The following PTN variants were observed in gnomAD, a reference collection of about 807,000 sequenced individuals.
PTN encodes the protein heparin affin regulatory protein.
In PTN, 18 loss-of-function variants were observed where a neutral mutation model predicts 24.1. The ratio of observed to expected loss-of-function variants is 0.75; its 90% confidence interval spans 0.52 to 1.11. The LOEUF (loss-of-function observed/expected upper bound fraction) is 1.11. Among genes scored for constraint, PTN ranks in the 50% least tolerant of loss-of-function variants. The pLI, the probability that PTN is intolerant of heterozygous loss-of-function variation, is 0.00. For synonymous variants in PTN, 78 were observed against 68.6 expected, an observed-to-expected ratio of 1.14 and a Z score of -0.67; for missense variants, 163 against 198.8, an observed-to-expected ratio of 0.82 and a Z score of 1.08.
intron 1 of PTN, among the ~76,000 whole-genome samples, chr7:137,303,922 C>G (rs1809845870): frequency 6.6e-6 from 1 of 151,956 alleles, no homozygotes; most frequent in Non-Finnish European, 1.5e-5. Context: ...GCATTCCCCA[C>G]AACACACAAA....
chr7:137,299,598 C>T (rs150277410), intron 1 of PTN, among the ~76,000 whole-genome samples: 5 of 151,950 alleles, frequency 3.3e-5, no homozygotes, highest in Non-Finnish European at 7.4e-5. Flanking sequence ...CAGTTATTTC[C>T]AAAGAGGAGG....
At chr7:137,262,974 T>A (rs1216626744) in intron 1 of PTN, among the ~76,000 whole-genome samples, 1 of 152,196 alleles carries the variant, frequency 6.6e-6, no homozygotes, top group East Asian at 1.9e-4. Flanking sequence ...TAAAACAACA[T>A]GAGAGGGTCT....
intron 4 of PTN, among the ~76,000 whole-genome samples, chr7:137,246,102 T>G (rs933985647): frequency 6.6e-6 from 1 of 152,206 alleles, no homozygotes; most frequent in Non-Finnish European, 1.5e-5. Flanking sequence ...TCACTCACTG[T>G]TCATTCAGTG....
intron 1 of PTN, chr7:137,325,849 C>G (rs1271222667): frequency 6.6e-6 from 1 of 152,198 alleles, no homozygotes; most frequent in Admixed American, 6.5e-5. Flanking sequence ...AGAAGCCTCT[C>G]CTCGGCCAAT....
rs116851620 is a variant in PTN, at chr7:137,244,886, C to T, written c.451+6344G>A. Among the ~76,000 whole-genome samples, 1,518 of 152,142 alleles carry T rather than the reference C, an allele frequency of 1.0e-2. 13 individuals are homozygous for T. The highest frequency in any genetic ancestry group is 0.02 in the Middle Eastern group (6 of 294). ...TAAGGCAATTTTTAACCAAACTCTG[C>T]GGGATATTTAGTAATTCCCTGGTGT... is the stretch of plus-strand genomic sequence containing the variant. On this transcript the variant is annotated intron_variant, in intron 4 of 4. Transcript: ENST00000348225.
At chr7:137,287,906 A>G (rs907929756) in intron 1 of PTN, 2 of 152,220 alleles carry the variant, frequency 1.3e-5, no homozygotes, top group Non-Finnish European at 2.9e-5. Context: ...AAAGATATAT[A>G]TGATAATCAC....
chr7:137,288,780 C>T (rs909118579), intron 1 of PTN, among the ~76,000 whole-genome samples: 12 of 152,128 alleles, frequency 7.9e-5, no homozygotes, highest in East Asian at 1.9e-4. Context: ...TTATACATAA[C>T]GTATTCATTA....
In PTN at chr7:137,250,255, G is replaced by A. The variant is rs1049921017; in HGVS notation, c.451+975C>T. Among the ~76,000 whole-genome samples the A allele has an allele frequency of 2.0e-5, 3 of 152,114 alleles. No homozygotes were observed. The South Asian group carries it at 6.2e-4, about 32-fold the overall frequency. On this transcript the variant is annotated intron_variant, in intron 4 of 4. Transcript: ENST00000348225. ...CAGAAATTTATTTATTTATTGTCTT[G>A]CAGTTCTGGAAGCTACAAGCCTAAG...
rs529942750 is a variant in PTN, at chr7:137,272,135, A to G, written c.-1-17161T>C. Among the ~76,000 whole-genome samples the G allele has an allele frequency of 2.0e-5, 3 of 152,298 alleles. 1 individual carries two copies. Among genetic ancestry groups the G allele is most frequent in the African/African-American group, 4.8e-5 (2 of 41,572 alleles). On this transcript the variant is annotated intron_variant, in intron 1 of 4. Coordinates refer to ENST00000348225, the MANE Select transcript of PTN (RefSeq NM_002825.7). ...ATTCTTCTTTTTACCAGATTATTGT[A>G]CTATCTTCCTAATTCATCTTCCTGT...
intron 3 of PTN, among the ~76,000 whole-genome samples, chr7:137,253,225 G>A (rs926871458): frequency 2.0e-5 from 3 of 152,100 alleles, no homozygotes; most frequent in Non-Finnish European, 4.4e-5. Context: ...GAGCGGGTGA[G>A]GAATGCTACC....
At chr7:137,233,263 T>C (rs1174729865) in intron 4 of PTN, among the ~76,000 whole-genome samples, 2 of 152,036 alleles carry the variant, frequency 1.3e-5, no homozygotes, top group East Asian at 3.9e-4. Context: ...AGAGAATTGG[T>C]TCAAATAGAT....
chr7:137,245,919 G>A (rs1010039209), intron 4 of PTN, among the ~76,000 whole-genome samples: 1 of 152,206 alleles, frequency 6.6e-6, no homozygotes, highest in Non-Finnish European at 1.5e-5. Context: ...TATTTTAAAA[G>A]AGTCAAAAGT....
chr7:137,336,256 T>C (rs188700642), intron 1 of PTN, among the ~76,000 whole-genome samples: 5 of 152,236 alleles, frequency 3.3e-5, no homozygotes, highest in Non-Finnish European at 7.4e-5. Flanking sequence ...CTAAAAAACC[T>C]AAGATTTCAG....
Position 137,278,324 on chromosome 7 carries a change from AAAAAAAAAAAAAAAT to A in PTN, c.-1-23365_-1-23351del, listed in dbSNP as rs1301070610. Reference sequence around the variant, plus strand: ...TCCGTCTCAAAAAAAAAAAAAAAAAAAAAAAAAAAAAAAATGACTACTAATCAAAAAGCCAGATTG... The same window carrying A: ...TCCGTCTCAAAAAAAAAAAAAAAAAAGACTACTAATCAAAAAGCCAGATTG... On this transcript the variant is annotated intron_variant, in intron 1 of 4. Coordinates refer to ENST00000348225, the MANE Select transcript of PTN (RefSeq NM_002825.7). Among the ~76,000 whole-genome samples the A allele has an allele frequency of 2.7e-5, 4 of 149,436 alleles. 1 individual carries two copies. Among genetic ancestry groups the A allele is most frequent in the African/African-American group, 7.4e-5 (3 of 40,584 alleles).
In PTN at chr7:137,340,147, C is replaced by A. The variant is rs142083594; in HGVS notation, c.-2+3292G>T. 1.1e-3 allele frequency among the ~76,000 whole-genome samples: 167 copies of A among 151,938 alleles called. 5 individuals carry two copies. The East Asian group carries it at 0.028, about 25-fold the overall frequency. On this transcript the variant is annotated intron_variant, in intron 1 of 4. Transcript: ENST00000348225. ...CTAGAAAAATGAATTAAATTTTATC[C>A]CTAAAAATATCTCAAACATGAAGGA...
Position 137,227,943 on chromosome 7 carries a change from C to G in PTN, c.*77G>C. 4 of 1,547,436 alleles carry G rather than the reference C, an allele frequency of 2.6e-6. No individual in the cohort carries two copies. The South Asian group carries it at 3.8e-5, about 15-fold the overall frequency. Reference sequence around the variant, plus strand: ...CTATAGATAATTTTTGAATACAAAGCCTACGGTACATATAAATGCAATAGT... The same window carrying G: ...CTATAGATAATTTTTGAATACAAAGGCTACGGTACATATAAATGCAATAGT... On this transcript the variant is annotated 3_prime_UTR_variant, in exon 5 of 5. Transcript: ENST00000348225.
At chr7:137,306,689 A>C (rs1411769259) in intron 1 of PTN, among the ~76,000 whole-genome samples, 1 of 152,142 alleles carries the variant, frequency 6.6e-6, no homozygotes, top group Non-Finnish European at 1.5e-5. Context: ...TTGGAAATGT[A>C]TTCACAATTT....
chr7:137,227,722 A>T lies in PTN; in HGVS notation c.*298T>A. ...AATTGCTGCCCAAAAAATGTAAAAA[A>T]AATTTAATGTAAAATGTCACATAAT... is the stretch of plus-strand genomic sequence containing the variant. On this transcript the variant is annotated 3_prime_UTR_variant, in exon 5 of 5. Transcript: ENST00000348225. The T allele has an allele frequency of 4.3e-6, 1 of 235,196 alleles. No homozygotes were observed. Among genetic ancestry groups the T allele is most frequent in the Non-Finnish European group, 8.1e-6 (1 of 123,236 alleles). The allele number at this position is 235,196 out of a possible 1,614,324, so 14.6% of individuals were successfully genotyped here.
At chr7:137,324,996 A>G (rs1276967307) in intron 1 of PTN, among the ~76,000 whole-genome samples, 1 of 152,174 alleles carries the variant, frequency 6.6e-6, no homozygotes, top group Non-Finnish European at 1.5e-5. Flanking sequence ...AAGAGTTTTA[A>G]TTGTACTGTA....
Sources: allele counts gnomAD v4.1 joint callset (sites outside exome capture counted in the v4.1 genomes callset), GRCh38; gene constraint gnomAD v4.1.1; transcripts MANE v1.5; gene names NCBI Gene and HGNC (gene_info 2026-07-23, HGNC 2026-07-21).